The following LCOR variants were observed in gnomAD, a reference collection of about 807,000 sequenced individuals.
LCOR encodes ligand dependent nuclear receptor corepressor.
In LCOR, 14 loss-of-function variants were observed where a neutral mutation model predicts 64.4. That is an observed-to-expected ratio of 0.22 (90% confidence interval 0.14 to 0.34). LCOR has a LOEUF of 0.34. Ranked by LOEUF, LCOR falls within the 10% of genes least tolerant of loss-of-function variation. The pLI, the probability that LCOR is intolerant of heterozygous loss-of-function variation, is 1.00. For missense variants in LCOR, 1,686 were observed against 1,765.3 expected (o/e 0.96, Z 0.80); for synonymous variants, 643 against 642.5 (o/e 1.00, Z -0.01).
At position 96,982,906 on chromosome 10, in the gene LCOR, T is replaced by C. The variant is rs763479913; in HGVS notation, c.2446T>C (p.Cys816Arg). ...AAAATTCCCTGAGGCCTCTGATAGG[T>C]GCCTAAGAAGTCAACTTTCGGATTC... ...GKKFPEASDR[C>R]LRSQLSDSSS... Residue 816 changes from cysteine (C) to arginine (R), a missense_variant, in exon 8 of 8, where the codon TGC (cysteine) becomes CGC (arginine). Coordinates refer to ENST00000421806, the MANE Select transcript of LCOR (RefSeq NM_001346516.2). 6.2e-7 allele frequency: 1 copy of C among 1,613,896 alleles called. No individual in the cohort carries two copies. Among genetic ancestry groups the C allele is most frequent in the Non-Finnish European group, 8.5e-7 (1 of 1,179,964 alleles).
intron 2 of LCOR, among the ~76,000 whole-genome samples, chr10:96,880,314 G>A (rs989686502): frequency 1.3e-5 from 2 of 152,178 alleles, no homozygotes; most frequent in Non-Finnish European, 2.9e-5. Context: ...GACTACAAAC[G>A]TGATGATAAT....
intron 2 of LCOR, among the ~76,000 whole-genome samples, chr10:96,887,405 T>C (rs867760233): frequency 1.3e-5 from 2 of 151,756 alleles, no homozygotes; most frequent in African/African-American, 4.8e-5. Flanking sequence ...CTACTAAAAA[T>C]ACAAAAAATT....
At chr10:96,937,705 C>A (rs1312487601) in intron 4 of LCOR, among the ~76,000 whole-genome samples, 2 of 152,102 alleles carry the variant, frequency 1.3e-5, no homozygotes, top group Non-Finnish European at 2.9e-5. Flanking sequence ...CATTTCTTCA[C>A]AAACTTTTTC....
At chr10:96,923,308 G>A (rs1030035785) in intron 4 of LCOR, among the ~76,000 whole-genome samples, 1 of 152,172 alleles carries the variant, frequency 6.6e-6, no homozygotes, top group Non-Finnish European at 1.5e-5. Context: ...GTGTTCACAC[G>A]CTTTTAATTC....
chr10:96,946,561 C>G (rs189962778), intron 5 of LCOR, among the ~76,000 whole-genome samples: 84 of 152,112 alleles, frequency 5.5e-4, no homozygotes, highest in African/African-American at 1.9e-3. Context: ...TATTTTTCAT[C>G]TGATTTGTTG....
chr10:96,865,782 G>A (rs1269579075), intron 2 of LCOR, among the ~76,000 whole-genome samples: 2 of 151,126 alleles, frequency 1.3e-5, no homozygotes, highest in Non-Finnish European at 2.9e-5. Flanking sequence ...GTTGAGGCAG[G>A]AGAATTGTTT....
At chr10:96,941,626 G>A (rs553719577) in intron 4 of LCOR, among the ~76,000 whole-genome samples, 6 of 148,518 alleles carry the variant, frequency 4.0e-5, no homozygotes, top group African/African-American at 1.2e-4. Context: ...CCAGGCGGAG[G>A]GGCTCCTCAC....
At chr10:96,859,613 A>T (rs566477292) in intron 2 of LCOR, among the ~76,000 whole-genome samples, 2 of 152,210 alleles carry the variant, frequency 1.3e-5, no homozygotes, top group South Asian at 4.1e-4. Flanking sequence ...GCTGGAGTGC[A>T]GTGGTGTGAT....
In LCOR at chr10:96,984,902, G is replaced by A; in HGVS notation, c.4442G>A (p.Arg1481Lys). 3.7e-6 allele frequency: 6 copies of A among 1,613,818 alleles called. No individual in the cohort carries two copies. The highest frequency in any genetic ancestry group is 5.1e-6 in the Non-Finnish European group (6 of 1,179,978). ...AAAGAAAAAGAGAATACAAACAAAA[G>A]GCCTTCCCAGTCTATTGCCTCGGAA... Reference protein sequence around the residue: ...SRKEKENTNKRPSQSIASETL... With the variant: ...SRKEKENTNKKPSQSIASETL... Residue 1481 changes from arginine to lysine, a missense_variant, in exon 8 of 8, where the codon AGG (arginine) becomes AAG (lysine). This residue lies in a region of LCOR where 1,293 missense variants were observed against 1,410.4 expected (regional missense o/e 0.92). Transcript: ENST00000421806.
At chr10:96,900,932 G>A (rs922446140) in intron 2 of LCOR, among the ~76,000 whole-genome samples, 2 of 147,600 alleles carry the variant, frequency 1.4e-5, no homozygotes, top group African/African-American at 2.5e-5. Flanking sequence ...GCTCACACCT[G>A]TAATCCCAGC....
intron 2 of LCOR, among the ~76,000 whole-genome samples, chr10:96,848,026 A>G (rs1845662000): frequency 6.6e-6 from 1 of 152,218 alleles, no homozygotes; most frequent in Non-Finnish European, 1.5e-5. Flanking sequence ...GATATTACTC[A>G]GTATAAATTA....
At chr10:96,920,433 T>C (rs200667507) in intron 4 of LCOR, among the ~76,000 whole-genome samples, 644 of 2,920 alleles carry the variant, frequency 0.22, 10 homozygotes, top group South Asian at 0.48. Flanking sequence ...CATATATATG[T>C]GTATATATGT....
At chr10:96,832,854 C>T (rs906588583) in intron 1 of LCOR, 39 of 355,682 alleles carry the variant, frequency 1.1e-4, no homozygotes, top group Middle Eastern at 1.4e-3. Flanking sequence ...GTGGCCGCCG[C>T]CGTCCTCCTC....
intron 7 of LCOR, chr10:96,956,730 A>G: frequency 1.0e-6 from 1 of 985,744 alleles, no homozygotes. Context: ...CTCATGGAGG[A>G]CGAGCTCCGT....
chr10:96,939,836 G>A (rs1018358126), intron 4 of LCOR, among the ~76,000 whole-genome samples: 2 of 152,156 alleles, frequency 1.3e-5, no homozygotes, highest in Non-Finnish European at 2.9e-5. Context: ...GATGGCACGC[G>A]CCTGTAGTCT....
intron 2 of LCOR, among the ~76,000 whole-genome samples, chr10:96,887,681 CTT>C (rs369996836): frequency 3.7e-4 from 53 of 143,886 alleles, no homozygotes; most frequent in Admixed American, 4.2e-4. Flanking sequence ...AAACTAGCTA[CTT>C]TTTTTTTTTT....
At chr10:96,922,256 G>A (rs934164585) in intron 4 of LCOR, among the ~76,000 whole-genome samples, 4 of 150,398 alleles carry the variant, frequency 2.7e-5, no homozygotes, top group East Asian at 1.9e-4. Context: ...TATATATTTC[G>A]TTCTTCCTAC....
chr10:96,952,577 G>A (rs1847700025), intron 7 of LCOR, among the ~76,000 whole-genome samples: 1 of 152,104 alleles, frequency 6.6e-6, no homozygotes, highest in Non-Finnish European at 1.5e-5. Context: ...GTGTGTGTGT[G>A]TGTGTGTTCA....
At chr10:96,883,279 T>C in intron 2 of LCOR, among the ~76,000 whole-genome samples, 1 of 152,182 alleles carries the variant, frequency 6.6e-6, no homozygotes. Flanking sequence ...GTGATCTGCC[T>C]GCCTCGGCCT....
Sources: gnomAD v4.1 joint callset for allele counts (sites outside exome capture counted in the v4.1 genomes callset) on GRCh38, gnomAD v4.1.1 for gene constraint, gnomAD v4.1.1 regional missense constraint, MANE v1.5 for transcripts, NCBI Gene and HGNC (gene_info 2026-07-23, HGNC 2026-07-21) for gene names.